The following EFR3B variants were observed in gnomAD, a reference collection of about 807,000 sequenced individuals.
EFR3B encodes EFR3 homolog B.
A neutral mutation model predicts 104.7 loss-of-function variants in EFR3B; 64 were observed. That is an observed-to-expected ratio of 0.61 (90% confidence interval 0.50 to 0.75). EFR3B has a LOEUF of 0.75. Among genes scored for constraint, EFR3B ranks in the 30% least tolerant of loss-of-function variants. The probability of loss-of-function intolerance (pLI) is 0.00; values close to 1 mark genes in which losing one functional copy is unlikely to be tolerated. For missense variants in EFR3B, 750 were observed against 1,078.5 expected (o/e 0.70, Z 4.27); for synonymous variants, 385 against 417.9 (o/e 0.92, Z 0.96).
At chr2:25,145,404 C>T (rs1485484477) in intron 19 of EFR3B, 1 of 374,348 alleles carries the variant, frequency 2.7e-6, no homozygotes, top group Non-Finnish European at 4.8e-6. Context: ...GACCCCATCT[C>T]TACAAAAAAT....
intron 6 of EFR3B, among the ~76,000 whole-genome samples, chr2:25,128,533 A>G (rs1670230106): frequency 6.6e-6 from 1 of 152,112 alleles, no homozygotes; most frequent in Non-Finnish European, 1.5e-5. Flanking sequence ...GTGTCCCTTA[A>G]CATGTGCGTT....
chr2:25,045,397 G>GA (rs1358313572), intron 1 of EFR3B, among the ~76,000 whole-genome samples: 1 of 152,208 alleles, frequency 6.6e-6, no homozygotes, highest in South Asian at 2.1e-4. Flanking sequence ...CAAGGGACAT[G>GA]AAAAAATGAA....
chr2:25,137,440 A>G lies in EFR3B; in HGVS notation c.1660A>G (p.Ser554Gly). 3 of 1,551,740 alleles carry G rather than the reference A, an allele frequency of 1.9e-6. No individual in the cohort carries two copies. Among genetic ancestry groups the G allele is most frequent in the Middle Eastern group, 1.7e-4 (1 of 5,992 alleles). The change falls in exon 15 of 23, where the codon AGC becomes GGC. Residue 554 changes from serine (S) to glycine (G), a missense_variant. Transcript: ENST00000403714. This position sits in a 1 kb window ranked among gnomAD's most constrained non-coding sequence, Gnocchi z 4.7. ...EALYGLLALI[S>G]IELANEEVVV... Reference sequence around the variant, plus strand: ...GCTCTATGGCTTGCTGGCCCTCATCAGCATCGAGCTGGCTAACGAGGAGGT... The same window carrying G: ...GCTCTATGGCTTGCTGGCCCTCATCGGCATCGAGCTGGCTAACGAGGAGGT...
At chr2:25,102,394 A>G (rs546833836) in intron 3 of EFR3B, among the ~76,000 whole-genome samples, 5 of 152,320 alleles carry the variant, frequency 3.3e-5, no homozygotes, top group African/African-American at 1.2e-4. Flanking sequence ...TGGGTAATTT[A>G]TAAAGAAAAG....
Position 25,114,908 on chromosome 2 carries a change from G to A in EFR3B, c.364-6765G>A, listed in dbSNP as rs536429388. Among the ~76,000 whole-genome samples the A allele has an allele frequency of 3.9e-5, 6 of 152,322 alleles. No homozygotes were observed. The highest frequency in any genetic ancestry group is 4.1e-4 in the South Asian group (2 of 4,826). On this transcript the variant is annotated intron_variant, in intron 4 of 22. Transcript: ENST00000403714. The surrounding 1 kb of genome is among the most constrained non-coding windows in gnomAD (Gnocchi z 4.0). Reference sequence around the variant, plus strand: ...CACTTAAGGATGCAGGTACCTGGCCGGGCGCAGTGGCTGACGCCTGTAATC... The same window carrying A: ...CACTTAAGGATGCAGGTACCTGGCCAGGCGCAGTGGCTGACGCCTGTAATC...
intron 5 of EFR3B, among the ~76,000 whole-genome samples, chr2:25,123,882 G>T (rs1020928713): frequency 6.6e-6 from 1 of 152,200 alleles, no homozygotes; most frequent in Non-Finnish European, 1.5e-5. Flanking sequence ...TGTTCCAGCA[G>T]GATCAGGAGT....
intron 1 of EFR3B, chr2:25,079,777 A>G: frequency 3.2e-6 from 2 of 615,878 alleles, no homozygotes; most frequent in South Asian, 1.5e-5. Flanking sequence ...AATGTTTTTA[A>G]AAGTTTGTAT....
At chr2:25,090,710 G>C (rs567273109) in intron 1 of EFR3B, among the ~76,000 whole-genome samples, 1 of 152,298 alleles carries the variant, frequency 6.6e-6, no homozygotes, top group African/African-American at 2.4e-5. Context: ...AATCGTTGAT[G>C]ATGATGTTAA....
At chr2:25,148,887 A>T (rs1291243369) in intron 19 of EFR3B, among the ~76,000 whole-genome samples, 21 of 139,532 alleles carry the variant, frequency 1.5e-4, no homozygotes, top group African/African-American at 5.4e-4. Flanking sequence ...CCGCCACTGC[A>T]CTCCAGCCTG....
At chr2:25,113,679 A>AG (rs1462843154) in intron 4 of EFR3B, among the ~76,000 whole-genome samples, 14 of 151,036 alleles carry the variant, frequency 9.3e-5, no homozygotes, top group East Asian at 3.9e-4. Context: ...AAAAAAAAAA[A>AG]AAAGAAAAGA....
chr2:25,056,126 C>T (rs1027313166), intron 1 of EFR3B, among the ~76,000 whole-genome samples: 53 of 152,286 alleles, frequency 3.5e-4, no homozygotes, highest in African/African-American at 1.3e-3. Flanking sequence ...AGAGAGAGTC[C>T]TGTAGTGACA....
At chr2:25,073,101 A>G (rs1668540690) in intron 1 of EFR3B, among the ~76,000 whole-genome samples, 1 of 152,222 alleles carries the variant, frequency 6.6e-6, no homozygotes, top group African/African-American at 2.4e-5. Flanking sequence ...TCACAACGAT[A>G]GTTATGATGA....
rs1866146 is a variant in EFR3B, at chr2:25,157,704, G to A, written c.*3364G>A. 104,391 of 152,186 alleles carry A rather than the reference G, an allele frequency of 0.69. 37,282 individuals carry two copies. The highest frequency in any genetic ancestry group is 0.88 in the African/African-American group (36,445 of 41,502). 9.4% of individuals were successfully genotyped at this position (152,186 alleles called of 1,614,324 possible). A position where few individuals can be genotyped will look rare whatever the true frequency, so the allele number is the denominator to read the frequency against. On this transcript the variant is annotated 3_prime_UTR_variant, in exon 23 of 23. Transcript: ENST00000403714. ...GGTGGAGTCAGGTGAATGGATAAGA[G>A]GCAGATCGGCAGAAAGCATCAGTGT...
At chr2:25,074,356 A>T (rs770005441) in intron 1 of EFR3B, among the ~76,000 whole-genome samples, 2 of 152,152 alleles carry the variant, frequency 1.3e-5, no homozygotes, top group Non-Finnish European at 2.9e-5. Flanking sequence ...ACTTGAGGTC[A>T]GGAGTTCAAG....
Position 25,156,324 on chromosome 2 carries a change from G to A in EFR3B, c.*1984G>A, listed in dbSNP as rs1207551582. 4.0e-5 allele frequency: 4 copies of A among 101,232 alleles called. No individual in the cohort carries two copies. Among genetic ancestry groups the A allele is most frequent in the East Asian group, 3.6e-4 (1 of 2,758 alleles). 6.3% of individuals were successfully genotyped at this position (101,232 alleles called of 1,614,324 possible). A position where few individuals can be genotyped will look rare whatever the true frequency, so the allele number is the denominator to read the frequency against. On this transcript the variant is annotated 3_prime_UTR_variant, in exon 23 of 23. Transcript: ENST00000403714. ...TTTTTTTTTTTTTTTTTGAGACACC[G>A]TCTCGCTCTGTCACCCAGGCTGGAG...
chr2:25,098,831 ATTTTTT>A (rs11416666), intron 3 of EFR3B, among the ~76,000 whole-genome samples: 143 of 83,794 alleles, frequency 1.7e-3, no homozygotes, highest in African/African-American at 2.0e-3. Flanking sequence ...TAAGTAGCCA[ATTTTTT>A]TTTTTTTTTT....
chr2:25,072,493 G>A (rs112047075), intron 1 of EFR3B, among the ~76,000 whole-genome samples: 3,143 of 152,076 alleles, frequency 0.021, 54 homozygotes, highest in Non-Finnish European at 0.031. Flanking sequence ...TGTTGCCTGC[G>A]CTGGTCTTGA....
In EFR3B at chr2:25,135,624, A is replaced by C; in HGVS notation, c.1469A>C (p.Lys490Thr). ...ATTGATCGTCATGGCAACCGCCACA[A>C]GTTCTCTACCATCAGGTGAACTTGG... is the stretch of plus-strand genomic sequence containing the variant. Reference protein sequence around the residue: ...SFIDRHGNRHKFSTISTLSDI... With the variant: ...SFIDRHGNRHTFSTISTLSDI... The change falls in exon 13 of 23, where the codon AAG becomes ACG. Residue 490 changes from lysine to threonine, a missense_variant. By Grantham distance (78) the Lys-to-Thr change is moderately conservative. Coordinates refer to ENST00000403714, the MANE Select transcript of EFR3B (RefSeq NM_014971.2). The C allele has an allele frequency of 6.4e-7, 1 of 1,552,170 alleles. No homozygotes were observed. The highest frequency in any genetic ancestry group is 8.7e-7 in the Non-Finnish European group (1 of 1,147,094).
rs1671095868 is a variant in EFR3B at position 25,154,115 on chromosome 2, A to C, written c.2349-120A>C. On this transcript the variant is annotated intron_variant, in intron 22 of 22. Transcript: ENST00000403714. The surrounding 1 kb of genome is among the most constrained non-coding windows in gnomAD (Gnocchi z 4.1). ...GGAATCCTGGGAACCTGTGGAATGAAGGGGTCTCTGGTGCCTGTGCAAAAA... is the reference window on the plus strand; with the variant it reads ...GGAATCCTGGGAACCTGTGGAATGACGGGGTCTCTGGTGCCTGTGCAAAAA... The C allele has an allele frequency of 1.2e-6, 1 of 816,020 alleles. No homozygotes were observed. The highest frequency in any genetic ancestry group is 1.7e-5 in the African/African-American group (1 of 57,798). The allele number at this position is 816,020 out of a possible 1,614,324, so 50.5% of individuals were successfully genotyped here.
Sources: gnomAD v4.1 joint callset for allele counts (sites outside exome capture counted in the v4.1 genomes callset) on GRCh38, gnomAD v4.1.1 for gene constraint, Gnocchi (gnomAD v3.1) non-coding constraint, MANE v1.5 for transcripts, NCBI Gene and HGNC (gene_info 2026-07-23, HGNC 2026-07-21) for gene names.